ZDHHC20: variants seen among roughly 807,000 people sequenced by gnomAD.
ZDHHC20 encodes the protein zDHHC palmitoyltransferase 20, also known as palmitoyltransferase ZDHHC20.
In ZDHHC20, 43 loss-of-function variants were observed where a neutral mutation model predicts 57.8. The observed-to-expected ratio is 0.74, with a 90% CI of 0.58 to 0.96. The LOEUF (loss-of-function observed/expected upper bound fraction) is 0.96. ZDHHC20 is among the 40% of genes least tolerant of loss of function. ZDHHC20 has a pLI of 0.00. For synonymous variants in ZDHHC20, 157 were observed against 153.0 expected, an observed-to-expected ratio of 1.03 and a Z score of -0.19; for missense variants, 391 against 441.1, an observed-to-expected ratio of 0.89 and a Z score of 1.02.
At chr13:21,450,549 C>T (rs1001485905) in intron 1 of ZDHHC20, among the ~76,000 whole-genome samples, 2 of 151,832 alleles carry the variant, frequency 1.3e-5, no homozygotes, top group Admixed American at 1.3e-4. Flanking sequence ...GAAAATAATA[C>T]CAGGACAGAT....
chr13:21,416,203 CA>C (rs55796229), intron 3 of ZDHHC20, among the ~76,000 whole-genome samples: 3,636 of 71,748 alleles, frequency 0.051, 66 homozygotes, highest in African/African-American at 0.16. Context: ...GACTCCATCT[CA>C]AAAAAAAAAA....
At chr13:21,400,551 A>C (rs1877479763) in intron 6 of ZDHHC20, 58 bp from the exon 7 acceptor site, 4 of 1,508,510 alleles carry the variant, frequency 2.7e-6, no homozygotes, top group South Asian at 1.3e-5. Context: ...ATTCACAGAA[A>C]TAGAAAGTAG....
intron 4 of ZDHHC20, among the ~76,000 whole-genome samples, chr13:21,404,741 G>A (rs1055715334): frequency 3.5e-5 from 5 of 144,388 alleles, no homozygotes; most frequent in East Asian, 4.0e-4. Flanking sequence ...GTGACAGAGC[G>A]AGATTCCATC....
chr13:21,456,846 T>C lies in ZDHHC20; in HGVS notation c.118+2208A>G, dbSNP rs114875833. On this transcript the variant is annotated intron_variant, in intron 1 of 12. Transcript: ENST00000400590. ...CCTAACTAAGTGATCTCCAAAAATATGCCAACCCCTTTATCCCCCCACACC... is the reference window on the plus strand; with the variant it reads ...CCTAACTAAGTGATCTCCAAAAATACGCCAACCCCTTTATCCCCCCACACC... 4.6e-3 allele frequency among the ~76,000 whole-genome samples: 694 copies of C among 152,330 alleles called. 2 individuals are homozygous for C. The highest frequency in any genetic ancestry group is 0.016 in the African/African-American group (653 of 41,576).
intron 9 of ZDHHC20, 92 bp downstream of exon 9, chr13:21,387,416 T>G (rs1252300027): frequency 3.2e-6 from 3 of 925,460 alleles, no homozygotes; most frequent in Non-Finnish European, 2.9e-6. Flanking sequence ...AATATCATTA[T>G]ATATTATATT....
chr13:21,447,587 A>C (rs1037031741), intron 1 of ZDHHC20, among the ~76,000 whole-genome samples: 1 of 144,362 alleles, frequency 6.9e-6, no homozygotes, highest in Non-Finnish European at 1.5e-5. Context: ...CTCAGTGCTC[A>C]ATGGTGCCCA....
intron 1 of ZDHHC20, among the ~76,000 whole-genome samples, chr13:21,437,371 G>A (rs1184450358): frequency 6.6e-6 from 1 of 152,188 alleles, no homozygotes; most frequent in Non-Finnish European, 1.5e-5. Context: ...TGAAATTTGG[G>A]TGGGGACACA....
At chr13:21,421,225 C>A in intron 2 of ZDHHC20, 61 bp from the exon 3 acceptor site, 1 of 1,326,822 alleles carries the variant, frequency 7.5e-7, no homozygotes, top group Admixed American at 1.9e-5. Context: ...AAAAGCATTA[C>A]ATTAAAACAC....
At chr13:21,377,728 G>A (rs1221924727) in intron 12 of ZDHHC20, 1 of 173,568 alleles carries the variant, frequency 5.8e-6, no homozygotes, top group Non-Finnish European at 1.2e-5. Flanking sequence ...CTGCAGCCCT[G>A]CCCGCAGGCT....
intron 3 of ZDHHC20, among the ~76,000 whole-genome samples, chr13:21,414,498 C>A (rs1284855542): frequency 6.7e-6 from 1 of 148,616 alleles, no homozygotes; most frequent in Non-Finnish European, 1.5e-5. Flanking sequence ...GTAGCTGGGA[C>A]TACAGGCGCA....
intron 1 of ZDHHC20, among the ~76,000 whole-genome samples, chr13:21,435,555 A>C (rs1593263219): frequency 1.3e-5 from 2 of 152,328 alleles, no homozygotes; most frequent in East Asian, 3.9e-4. Context: ...ATAATTCACA[A>C]AATAGAATTT....
intron 1 of ZDHHC20, among the ~76,000 whole-genome samples, chr13:21,447,433 C>A (rs1016039890): frequency 1.3e-4 from 19 of 148,126 alleles, no homozygotes; most frequent in African/African-American, 4.6e-4. Flanking sequence ...CCTGCGATTG[C>A]AGGCACGCGC....
At chr13:21,436,591 G>GA (rs1213606494) in intron 1 of ZDHHC20, among the ~76,000 whole-genome samples, 1 of 152,160 alleles carries the variant, frequency 6.6e-6, no homozygotes, top group African/African-American at 2.4e-5. Context: ...ATATACGATG[G>GA]AAAACTTAAT....
intron 8 of ZDHHC20, among the ~76,000 whole-genome samples, chr13:21,389,611 G>T (rs559820209): frequency 6.6e-6 from 1 of 152,150 alleles, no homozygotes; most frequent in Non-Finnish European, 1.5e-5. Flanking sequence ...AGAATAGCAG[G>T]TTCCCTAGAA....
At chr13:21,380,473 A>G (rs1399988262) in intron 11 of ZDHHC20, among the ~76,000 whole-genome samples, 2 of 152,004 alleles carry the variant, frequency 1.3e-5, no homozygotes, top group African/African-American at 4.8e-5. Context: ...AATTATTTTC[A>G]ACTAAGCAAA....
chr13:21,445,021 C>A (rs1022998733), intron 1 of ZDHHC20, among the ~76,000 whole-genome samples: 1 of 152,060 alleles, frequency 6.6e-6, no homozygotes, highest in Non-Finnish European at 1.5e-5. Context: ...ATGCCAAATG[C>A]ACTCCAGCCT....
At chr13:21,416,050 C>T (rs1034908517) in intron 3 of ZDHHC20, among the ~76,000 whole-genome samples, 1 of 151,412 alleles carries the variant, frequency 6.6e-6, no homozygotes, top group African/African-American at 2.4e-5. Flanking sequence ...AAAAAAAATA[C>T]AAAAATTAGC....
rs776420638 is a variant in ZDHHC20 at position 21,413,694 on chromosome 13, C to T, written c.328G>A (p.Ala110Thr). The T allele has an allele frequency of 4.3e-6, 7 of 1,611,096 alleles. No individual in the cohort carries two copies. Among genetic ancestry groups the T allele is most frequent in the Non-Finnish European group, 5.9e-6 (7 of 1,179,350 alleles). The part of the protein sequence containing the change: ...QERQQEILRR[A>T]ARALPIYTTS... Reference sequence around the variant, plus strand: ...GTATAGATAGGTAAAGCTCTTGCTGCTCTTCTCAAAATTTCTTGTTGTCTT... The same window carrying T: ...GTATAGATAGGTAAAGCTCTTGCTGTTCTTCTCAAAATTTCTTGTTGTCTT... The change falls in exon 4 of 13, where the codon GCA becomes ACA. Residue 110 changes from alanine to threonine, a missense_variant. This residue lies in a region of ZDHHC20 where 185 missense variants were observed against 188.0 expected (regional missense o/e 0.98). Transcript: ENST00000400590.
chr13:21,418,802 T>C (rs936007569), intron 3 of ZDHHC20, among the ~76,000 whole-genome samples: 7 of 152,252 alleles, frequency 4.6e-5, no homozygotes, highest in Non-Finnish European at 5.9e-5. Context: ...GCCTCCCGAG[T>C]AGCTGGGACT....
Sources: allele counts gnomAD v4.1 joint callset (sites outside exome capture counted in the v4.1 genomes callset), GRCh38; gene constraint gnomAD v4.1.1; regional missense constraint gnomAD v4.1.1; transcripts MANE v1.5; gene names NCBI Gene and HGNC (gene_info 2026-07-23, HGNC 2026-07-21).